The following GPATCH2L variants were observed in gnomAD, a reference collection of about 807,000 sequenced individuals.
GPATCH2L encodes the protein G-patch domain containing 2 like.
Under a neutral mutation model 57.4 loss-of-function variants are expected in GPATCH2L, and 31 were observed. The ratio of observed to expected loss-of-function variants is 0.54; its 90% CI spans 0.41 to 0.73. GPATCH2L has a LOEUF of 0.73. Ranked by LOEUF, GPATCH2L falls within the 30% of genes least tolerant of loss-of-function variation. The pLI is 0.00. For missense variants in GPATCH2L, 481 were observed against 599.9 expected (o/e 0.80, Z 2.07); for synonymous variants, 199 against 210.7 (o/e 0.94, Z 0.48).
intron 7 of GPATCH2L, 108 bp downstream of exon 7, chr14:76,178,150 A>C: frequency 7.8e-7 from 1 of 1,282,662 alleles, no homozygotes; most frequent in South Asian, 1.2e-5. Flanking sequence ...TGTAGGTTCA[A>C]CTGTGATCAT....
chr14:76,196,038 G>T (rs748179971), intron 9 of GPATCH2L, 66 bp downstream of exon 9: 6 of 1,104,718 alleles, frequency 5.4e-6, no homozygotes, highest in Non-Finnish European at 8.3e-6. Context: ...TATGTGTTTT[G>T]TATACCTTTT....
chr14:76,159,184 C>T (rs1388722253), intron 2 of GPATCH2L, among the ~76,000 whole-genome samples: 1 of 152,166 alleles, frequency 6.6e-6, no homozygotes, highest in African/African-American at 2.4e-5. Context: ...TCTGAGATCC[C>T]TTGTAACACT....
At chr14:76,153,347 C>A (rs561080904) in intron 1 of GPATCH2L, among the ~76,000 whole-genome samples, 6 of 152,262 alleles carry the variant, frequency 3.9e-5, no homozygotes, top group Middle Eastern at 3.4e-3. Flanking sequence ...AAATATTTCC[C>A]CTTAAGGGGG....
intron 2 of GPATCH2L, 100 bp downstream of exon 2, chr14:76,155,125 C>T: frequency 1.1e-6 from 1 of 918,860 alleles, no homozygotes; most frequent in South Asian, 1.7e-5. Flanking sequence ...AAACCAGCCA[C>T]TCTAGTATTG....
At chr14:76,166,044 G>A (rs2038820588) in intron 2 of GPATCH2L, among the ~76,000 whole-genome samples, 1 of 152,202 alleles carries the variant, frequency 6.6e-6, no homozygotes, top group Non-Finnish European at 1.5e-5. Context: ...AAACTGGGCA[G>A]AATTTCGTGG....
At chr14:76,191,058 G>C (rs1253670966) in intron 8 of GPATCH2L, among the ~76,000 whole-genome samples, 1 of 152,034 alleles carries the variant, frequency 6.6e-6, no homozygotes. Flanking sequence ...GAAATATCTC[G>C]TTACTCTTTC....
chr14:76,233,083 C>T (rs139134739), intron 2 of GPATCH2L, among the ~76,000 whole-genome samples: 48 of 152,292 alleles, frequency 3.2e-4, no homozygotes, highest in Middle Eastern at 6.8e-3. Context: ...TTGGGTAAGG[C>T]GGATTCTTTA....
chr14:76,226,638 T>C lies in GPATCH2L; in HGVS notation c.66-3170T>C, dbSNP rs527421088. On this transcript the variant is annotated intron_variant and NMD_transcript_variant, in intron 1 of 3. Transcript: ENST00000556372. ...TGTTTAGGTCATGAAGGCTTATGAA[T>C]GAATTAATGACGCTATAAAAAGGGC... Among the ~76,000 whole-genome samples the C allele has an allele frequency of 3.3e-5, 5 of 152,278 alleles. No individual in the cohort carries two copies. In the East Asian group the frequency reaches 7.7e-4, roughly 23 times the overall value.
intron 2 of GPATCH2L, among the ~76,000 whole-genome samples, chr14:76,165,623 A>G (rs1052581043): frequency 6.6e-6 from 1 of 151,930 alleles, no homozygotes; most frequent in East Asian, 1.9e-4. Flanking sequence ...TTTGTTGACT[A>G]TTTCTGTGAC....
intron 1 of GPATCH2L, chr14:76,152,566 C>T (rs1053078674): frequency 9.1e-6 from 4 of 437,882 alleles, no homozygotes; most frequent in Non-Finnish European, 1.4e-5. Flanking sequence ...GTGACTCAGC[C>T]TCATCTCTGC....
intron 2 of GPATCH2L, among the ~76,000 whole-genome samples, chr14:76,163,124 G>T (rs1373805828): frequency 6.6e-6 from 1 of 152,156 alleles, no homozygotes; most frequent in African/African-American, 2.4e-5. Flanking sequence ...TTCAGTGAAC[G>T]CATGGGCTTT....
At chr14:76,178,384 C>A in intron 7 of GPATCH2L, 1 of 512,906 alleles carries the variant, frequency 1.9e-6, no homozygotes, top group Non-Finnish European at 3.0e-6. Flanking sequence ...AACCTTATGT[C>A]ACCAGGAACC....
chr14:76,217,054 A>G (rs1248555432), downstream of GPATCH2L, among the ~76,000 whole-genome samples: 2 of 152,160 alleles, frequency 1.3e-5, no homozygotes, highest in African/African-American at 4.8e-5. Flanking sequence ...TTTCAAATTG[A>G]TGAGAGATTT....
intron 1 of GPATCH2L, among the ~76,000 whole-genome samples, chr14:76,223,779 A>AG (rs1460405812): frequency 6.6e-6 from 1 of 152,230 alleles, no homozygotes; most frequent in Non-Finnish European, 1.5e-5. Context: ...AAAAGACTCG[A>AG]GTAAGCATTT....
At chr14:76,182,079 C>T (rs1257894811) in intron 8 of GPATCH2L, among the ~76,000 whole-genome samples, 8 of 152,078 alleles carry the variant, frequency 5.3e-5, no homozygotes, top group African/African-American at 1.2e-4. Context: ...GTTGAACTGC[C>T]GGGCGCGGTG....
At chr14:76,188,411 A>G (rs2039850482) in intron 8 of GPATCH2L, among the ~76,000 whole-genome samples, 2 of 152,058 alleles carry the variant, frequency 1.3e-5, no homozygotes, top group Non-Finnish European at 2.9e-5. Flanking sequence ...AGCCATTTTA[A>G]CTGGGGTCAG....
chr14:76,194,407 G>A (rs1331513676), intron 8 of GPATCH2L, among the ~76,000 whole-genome samples: 5 of 151,928 alleles, frequency 3.3e-5, no homozygotes, highest in African/African-American at 1.2e-4. Flanking sequence ...AATTTCTTAG[G>A]ATTTTAGTCA....
At chr14:76,228,269 A>G (rs1200214891) in intron 1 of GPATCH2L, among the ~76,000 whole-genome samples, 2 of 152,220 alleles carry the variant, frequency 1.3e-5, no homozygotes, top group East Asian at 1.9e-4. Flanking sequence ...TACAAGATTC[A>G]TAAGAGTTTT....
chr14:76,161,116 A>G (rs1191524096), intron 2 of GPATCH2L, among the ~76,000 whole-genome samples: 1 of 152,220 alleles, frequency 6.6e-6, no homozygotes, highest in African/African-American at 2.4e-5. Flanking sequence ...TACTAGATTC[A>G]GAAGTCTGAT....
Sources: gnomAD v4.1 joint callset for allele counts (sites outside exome capture counted in the v4.1 genomes callset) on GRCh38, gnomAD v4.1.1 for gene constraint, MANE v1.5 for transcripts, NCBI Gene and HGNC (gene_info 2026-07-23, HGNC 2026-07-21) for gene names.